Variants in C1orf21 observed in about 807,000 individuals in gnomAD.
C1orf21 encodes uncharacterized protein C1orf21.
In C1orf21, 3 loss-of-function variants were observed where a neutral mutation model predicts 18.7. The observed-to-expected ratio is 0.16, with a 90% confidence interval of 0.07 to 0.42. The LOEUF is 0.42. Among genes scored for constraint, C1orf21 ranks in the 10% least tolerant of loss-of-function variants. The pLI, the probability that C1orf21 is intolerant of heterozygous loss-of-function variation, is 0.99. For synonymous variants in C1orf21, 41 were observed against 46.4 expected (o/e 0.88, Z 0.47); for missense variants, 104 against 143.6 (o/e 0.72, Z 1.41).
chr1:184,598,383 C>T lies in C1orf21; in HGVS notation c.267-18C>T. ...GCAAAGCACTAAAATATGCACTTAA[C>T]TACCCTTTGTTTTTCAGCATGCACA... On this transcript the variant is annotated intron_variant, in intron 4 of 5. Coordinates refer to ENST00000235307, the MANE Select transcript of C1orf21 (RefSeq NM_030806.4). 1 of 1,612,438 alleles carries T rather than the reference C, an allele frequency of 6.2e-7. No homozygotes were observed. The highest frequency in any genetic ancestry group is 8.5e-7 in the Non-Finnish European group (1 of 1,179,406).
At chr1:184,552,462 A>G (rs1234588202) in intron 3 of C1orf21, among the ~76,000 whole-genome samples, 1 of 152,250 alleles carries the variant, frequency 6.6e-6, no homozygotes, top group East Asian at 1.9e-4. Context: ...ATATTCATAT[A>G]CTGCTGCTGA....
In C1orf21 at chr1:184,495,925, A is replaced by G. The variant is rs962418274; in HGVS notation, c.95-11663A>G. ...AGAGTGAGACTCTGTCTCAAAAAAA[A>G]AAAAAAAAAAAAAAAGATATGGTGA... On this transcript the variant is annotated intron_variant, in intron 2 of 5. Coordinates refer to ENST00000235307, the MANE Select transcript of C1orf21 (RefSeq NM_030806.4). Among the ~76,000 whole-genome samples the G allele has an allele frequency of 6.6e-5, 10 of 151,780 alleles. 1 individual carries two copies. The East Asian group carries it at 1.7e-3, about 26-fold the overall frequency.
chr1:184,607,381 A>G (rs1043850595), intron 5 of C1orf21, among the ~76,000 whole-genome samples: 1 of 152,140 alleles, frequency 6.6e-6, no homozygotes, highest in African/African-American at 2.4e-5. Context: ...TAAAACATCA[A>G]ATGATTTGTA....
intron 3 of C1orf21, among the ~76,000 whole-genome samples, chr1:184,556,111 CTG>C (rs1035216096): frequency 5.9e-5 from 9 of 152,128 alleles, no homozygotes; most frequent in African/African-American, 2.2e-4. Context: ...CATACACACA[CTG>C]AGAGGCATCC....
intron 5 of C1orf21, among the ~76,000 whole-genome samples, chr1:184,600,509 G>C (rs1222144448): frequency 1.3e-5 from 2 of 152,128 alleles, no homozygotes; most frequent in Admixed American, 6.6e-5. Context: ...TTTTTACTCA[G>C]AATTGAAGTT....
rs758823613 is a variant in C1orf21 at position 184,477,532 on chromosome 1, A to G, written c.23A>G (p.His8Arg). 5.0e-6 allele frequency: 8 copies of G among 1,614,046 alleles called. No homozygotes were observed. The highest frequency in any genetic ancestry group is 5.9e-6 in the Non-Finnish European group (7 of 1,179,940). Residue 8 changes from histidine (H) to arginine (R), a missense_variant, in exon 2 of 6, where the codon CAT becomes CGT. Transcript: ENST00000235307. ...ACTATGGGCTGTGCCTCCGCCAAGC[A>G]TGTTGCCACTGTTCAAAATGAAGAG... MGCASAK[H>R]VATVQNEEEA...
At chr1:184,618,300 A>G (rs1380052739) in intron 5 of C1orf21, among the ~76,000 whole-genome samples, 1 of 152,088 alleles carries the variant, frequency 6.6e-6, no homozygotes. Flanking sequence ...TAATCACTTT[A>G]TTACTATTAA....
chr1:184,598,378 C>T (rs1350585748), intron 4 of C1orf21, 23 bp from the exon 5 acceptor site: 1 of 1,610,746 alleles, frequency 6.2e-7, no homozygotes, highest in South Asian at 1.1e-5. Flanking sequence ...AAAATATGCA[C>T]TTAACTACCC....
intron 1 of C1orf21, among the ~76,000 whole-genome samples, chr1:184,397,508 C>T (rs969597648): frequency 6.6e-6 from 1 of 152,140 alleles, no homozygotes; most frequent in Admixed American, 6.5e-5. Flanking sequence ...ATGTCGTGAA[C>T]CCAGGAGGCA....
At chr1:184,457,167 T>C (rs1293403193) in intron 1 of C1orf21, among the ~76,000 whole-genome samples, 2 of 152,176 alleles carry the variant, frequency 1.3e-5, no homozygotes, top group Non-Finnish European at 2.9e-5. Context: ...TTACAGAATA[T>C]TATAACTTAA....
At chr1:184,443,198 T>C (rs571622691) in intron 1 of C1orf21, among the ~76,000 whole-genome samples, 82 of 152,346 alleles carry the variant, frequency 5.4e-4, no homozygotes, top group African/African-American at 1.9e-3. Flanking sequence ...TTCTACTCCT[T>C]GCGTGCAAAT....
chr1:184,609,399 C>T (rs377108809), intron 5 of C1orf21, among the ~76,000 whole-genome samples: 1 of 152,162 alleles, frequency 6.6e-6, no homozygotes, highest in African/African-American at 2.4e-5. Flanking sequence ...AACATAAATT[C>T]TAGGGTGTAT....
At chr1:184,604,509 T>C (rs1008212196) in intron 5 of C1orf21, among the ~76,000 whole-genome samples, 6 of 152,240 alleles carry the variant, frequency 3.9e-5, no homozygotes, top group Non-Finnish European at 8.8e-5. Flanking sequence ...GTTGCTTTGC[T>C]CATAACCAAG....
intron 1 of C1orf21, among the ~76,000 whole-genome samples, chr1:184,470,372 A>G (rs1243467693): frequency 5.3e-5 from 8 of 152,056 alleles, no homozygotes; most frequent in Admixed American, 5.2e-4. Flanking sequence ...AGTCCAGAAA[A>G]AAAAGGGGGA....
intron 1 of C1orf21, among the ~76,000 whole-genome samples, chr1:184,455,344 A>G (rs1460549090): frequency 2.6e-5 from 4 of 152,230 alleles, no homozygotes; most frequent in Non-Finnish European, 5.9e-5. Flanking sequence ...GTGCATACAA[A>G]TAACTAGGGA....
chr1:184,540,441 T>G lies in C1orf21; in HGVS notation c.189+32759T>G, dbSNP rs554927491. Among the ~76,000 whole-genome samples the G allele has an allele frequency of 6.2e-3, 863 of 140,216 alleles. 5 individuals are homozygous for G. Among genetic ancestry groups the G allele is most frequent in the Non-Finnish European group, 6.3e-3 (401 of 63,536 alleles). The allele number at this position is 140,216 out of a possible 152,430, so 92.0% of individuals were successfully genotyped here. A position where few individuals can be genotyped will look rare whatever the true frequency, so the allele number is the denominator to read the frequency against. ...GAGTTTTTTTTGTTTGTTTGTTTTGTTTTTTTTTTTGAGACTGGGTCTCGC... is the reference window on the plus strand; with the variant it reads ...GAGTTTTTTTTGTTTGTTTGTTTTGGTTTTTTTTTTGAGACTGGGTCTCGC... On this transcript the variant is annotated intron_variant, in intron 3 of 5. Coordinates refer to ENST00000235307, the MANE Select transcript of C1orf21 (RefSeq NM_030806.4).
Position 184,624,087 on chromosome 1 carries a change from A to G in C1orf21, c.*4531A>G, listed in dbSNP as rs1410881428. Reference sequence around the variant, plus strand: ...TAGATCTTAAGTGTGGAATGCATCTATCCAACATAAATGCCCATGTTGAAA... The same window carrying G: ...TAGATCTTAAGTGTGGAATGCATCTGTCCAACATAAATGCCCATGTTGAAA... On this transcript the variant is annotated 3_prime_UTR_variant, in exon 6 of 6. Transcript: ENST00000235307. The G allele has an allele frequency of 2.0e-4, 30 of 152,662 alleles. 1 individual carries two copies. The highest frequency in any genetic ancestry group is 2.0e-3 in the Admixed American group (30 of 15,280). 9.5% of individuals were successfully genotyped at this position (152,662 alleles called of 1,614,324 possible).
chr1:184,448,613 TG>T (rs1657069429), intron 1 of C1orf21, among the ~76,000 whole-genome samples: 1 of 152,222 alleles, frequency 6.6e-6, no homozygotes, highest in African/African-American at 2.4e-5. Context: ...TACCATGTGG[TG>T]GTGGACTGCA....
intron 3 of C1orf21, among the ~76,000 whole-genome samples, chr1:184,585,640 G>A (rs190073104): frequency 3.5e-4 from 53 of 152,088 alleles, no homozygotes; most frequent in Middle Eastern, 6.8e-3. Flanking sequence ...CCTCTAATAG[G>A]ACCCAGTGTG....
Sources: gnomAD v4.1 joint callset for allele counts (sites outside exome capture counted in the v4.1 genomes callset) on GRCh38, gnomAD v4.1.1 for gene constraint, MANE v1.5 for transcripts, NCBI Gene and HGNC (gene_info 2026-07-23, HGNC 2026-07-21) for gene names.